The following STARD13 variants were observed in gnomAD, a reference collection of about 807,000 sequenced individuals.
STARD13 encodes the protein StAR related lipid transfer domain containing 13.
In STARD13, 62 loss-of-function variants were observed where a neutral mutation model predicts 106.4. The ratio of observed to expected loss-of-function variants is 0.58; its 90% CI spans 0.48 to 0.72. The LOEUF is 0.72. STARD13 is among the 30% of genes least tolerant of loss of function. STARD13 has a pLI of 0.00. For synonymous variants in STARD13, 565 were observed against 553.0 expected (o/e 1.02, Z -0.31); for missense variants, 1,387 against 1,424.0 (o/e 0.97, Z 0.42).
the STARD13 span, among the ~76,000 whole-genome samples, chr13:33,544,381 C>T: frequency 6.6e-6 from 1 of 152,184 alleles, no homozygotes; most frequent in South Asian, 2.1e-4. Context: ...TCTGACTGTG[C>T]CACTGCCTTT....
At chr13:33,639,771 C>T in the STARD13 span, among the ~76,000 whole-genome samples, 1 of 152,248 alleles carries the variant, frequency 6.6e-6, no homozygotes, top group African/African-American at 2.4e-5. Flanking sequence ...ATCAACCCAG[C>T]TGTTCTGTAC....
At chr13:33,188,106 G>C (rs1885939430) in intron 1 of STARD13, 1 of 152,220 alleles carries the variant, frequency 6.6e-6, no homozygotes, top group African/African-American at 2.4e-5. Flanking sequence ...ACTGGCCAAA[G>C]GCAGGTGGGT....
At chr13:33,251,050 A>G (rs1306205925) in intron 1 of STARD13, among the ~76,000 whole-genome samples, 3 of 152,234 alleles carry the variant, frequency 2.0e-5, no homozygotes, top group Non-Finnish European at 4.4e-5. Context: ...AAGAGAGAAC[A>G]AGATAAGATC....
the STARD13 span, among the ~76,000 whole-genome samples, chr13:33,417,612 T>C: frequency 2.0e-5 from 3 of 152,180 alleles, 1 homozygote; most frequent in South Asian, 6.2e-4. Context: ...TATGGATCCA[T>C]GCTGCAACAT....
At chr13:33,255,912 A>T (rs1444742128) in intron 1 of STARD13, among the ~76,000 whole-genome samples, 1 of 152,220 alleles carries the variant, frequency 6.6e-6, no homozygotes, top group East Asian at 1.9e-4. Context: ...GTCTACAGGT[A>T]GTATAAGACT....
At chr13:33,624,651 G>A in the STARD13 span, among the ~76,000 whole-genome samples, 5 of 152,310 alleles carry the variant, frequency 3.3e-5, no homozygotes, top group East Asian at 9.6e-4. Flanking sequence ...TTTCCTTTGA[G>A]CCTCCTAAGG....
chr13:33,492,592 G>T, the STARD13 span, among the ~76,000 whole-genome samples: 2 of 152,152 alleles, frequency 1.3e-5, no homozygotes, highest in Non-Finnish European at 2.9e-5. Context: ...CATCCTCACT[G>T]CTACACTTCC....
At chr13:33,650,163 AATTTTTT>A in the STARD13 span, among the ~76,000 whole-genome samples, 1 of 84,454 alleles carries the variant, frequency 1.2e-5, no homozygotes, top group African/African-American at 4.4e-5. Context: ...ACGTGACTCC[AATTTTTT>A]TTTTTTTTTT....
chr13:33,167,980 CTTT>C (rs34360802), intron 1 of STARD13, among the ~76,000 whole-genome samples: 1 of 149,354 alleles, frequency 6.7e-6, no homozygotes, highest in Non-Finnish European at 1.5e-5. Context: ...CTTTACAATT[CTTT>C]TTTTTTTTAA....
chr13:33,425,936 T>G, the STARD13 span, among the ~76,000 whole-genome samples: 38 of 152,366 alleles, frequency 2.5e-4, no homozygotes, highest in South Asian at 7.9e-3. Context: ...TTGTTTTTAC[T>G]GTGTCCAAAT....
chr13:33,585,051 T>G, the STARD13 span, among the ~76,000 whole-genome samples: 2 of 152,188 alleles, frequency 1.3e-5, no homozygotes, highest in Non-Finnish European at 2.9e-5. Flanking sequence ...TTATCCAGTC[T>G]CAGGTATTTC....
chr13:33,145,035 T>C (rs1402432906), intron 3 of STARD13, among the ~76,000 whole-genome samples: 1 of 152,256 alleles, frequency 6.6e-6, no homozygotes, highest in Non-Finnish European at 1.5e-5. Context: ...TTTGACTTTA[T>C]AGCTCTGGGT....
At chr13:33,289,219 C>T (rs1238926900), upstream of STARD13, among the ~76,000 whole-genome samples, 1 of 152,216 alleles carries the variant, frequency 6.6e-6, no homozygotes, top group East Asian at 1.9e-4. Context: ...GTTCAGTTTT[C>T]ACCTACTTTT....
the STARD13 span, among the ~76,000 whole-genome samples, chr13:33,360,746 C>A: frequency 2.9e-5 from 1 of 34,854 alleles, no homozygotes; most frequent in East Asian, 7.3e-4. Context: ...GATCGTTGAA[C>A]AATATAGGAT....
chr13:33,113,077 A>G, intron 8 of STARD13, 146 bp from the exon 9 acceptor site: 1 of 595,958 alleles, frequency 1.7e-6, no homozygotes, highest in Admixed American at 3.3e-5. Flanking sequence ...GGAAAGGCAC[A>G]AAGAAGTCAG....
At chr13:33,327,521 C>A (rs530713226) in intron 1 of STARD13, among the ~76,000 whole-genome samples, 1 of 152,222 alleles carries the variant, frequency 6.6e-6, no homozygotes, top group South Asian at 2.1e-4. Context: ...AGGCATGGGC[C>A]ACCACATCTG....
the STARD13 span, among the ~76,000 whole-genome samples, chr13:33,556,668 TG>T: frequency 6.6e-6 from 1 of 152,222 alleles, no homozygotes; most frequent in East Asian, 1.9e-4. Context: ...GGATTTATGG[TG>T]GATTACCAAC....
intron 1 of STARD13, among the ~76,000 whole-genome samples, chr13:33,283,684 A>T (rs1266878197): frequency 6.6e-6 from 1 of 152,188 alleles, no homozygotes; most frequent in Non-Finnish European, 1.5e-5. Flanking sequence ...CATTGACTTC[A>T]AACACTCCAT....
At chr13:33,399,232 C>T in the STARD13 span, among the ~76,000 whole-genome samples, 1 of 152,018 alleles carries the variant, frequency 6.6e-6, no homozygotes, top group African/African-American at 2.4e-5. Flanking sequence ...AAATAAGCGA[C>T]ACATATAAAG....
Sources: allele counts gnomAD v4.1 joint callset (sites outside exome capture counted in the v4.1 genomes callset), GRCh38; gene constraint gnomAD v4.1.1; transcripts MANE v1.5; gene names NCBI Gene and HGNC (gene_info 2026-07-23, HGNC 2026-07-21).